The following MYO19 variants were observed in gnomAD, a reference collection of about 807,000 sequenced individuals.
MYO19 encodes myosin XIX.
A neutral mutation model predicts 129.2 loss-of-function variants in MYO19; 132 were observed. The ratio of observed to expected loss-of-function variants is 1.02; its 90% CI spans 0.89 to 1.18. The LOEUF is 1.18. Among genes scored for constraint, MYO19 ranks in the 50% most tolerant of loss-of-function variants. The probability of loss-of-function intolerance (pLI) is 0.00; values close to 1 mark genes in which losing one functional copy is unlikely to be tolerated. For synonymous variants in MYO19, 531 were observed against 477.2 expected (o/e 1.11, Z -1.47); for missense variants, 1,210 against 1,216.7 (o/e 0.99, Z 0.08).
At position 36,495,956 on chromosome 17, in the gene MYO19, A is replaced by T. The variant is rs557122032; in HGVS notation, c.*295T>A. 4.0e-5 allele frequency: 36 copies of T among 894,864 alleles called. No homozygotes were observed. Among genetic ancestry groups the T allele is most frequent in the East Asian group, 1.6e-4 (5 of 31,430 alleles). 55.4% of individuals were successfully genotyped at this position (894,864 alleles called of 1,614,324 possible). On this transcript the variant is annotated 3_prime_UTR_variant, in exon 26 of 26. Transcript: ENST00000614623. ...ATTGGGATCCCCAGTGTAGTGACAG[A>T]CAGTCATGACTGCTGCTGAGTTTGA...
intron 25 of MYO19, 61 bp downstream of exon 25, chr17:36,498,205 G>A: frequency 6.5e-7 from 1 of 1,548,866 alleles, no homozygotes; most frequent in African/African-American, 1.3e-5. Flanking sequence ...CTGTGAACTT[G>A]TAGGCTTTGC....
chr17:36,496,413 G>A lies in MYO19; in HGVS notation c.2758-7C>T, dbSNP rs79844016. The A allele has an allele frequency of 1.9e-6, 3 of 1,613,786 alleles. No individual in the cohort carries two copies. In the South Asian group the frequency reaches 3.3e-5, roughly 18 times the overall value. On this transcript the variant is annotated splice_polypyrimidine_tract_variant and splice_region_variant and intron_variant, in intron 25 of 25. Transcript: ENST00000614623. ...AGTGAAACTTTATCGATCCCTAGAG[G>A]GGAGAGAGAGATGCAGCTTTAGCAC...
At chr17:36,523,237 C>T (rs1447943768) in intron 6 of MYO19, among the ~76,000 whole-genome samples, 1 of 151,528 alleles carries the variant, frequency 6.6e-6, no homozygotes, top group Non-Finnish European at 1.5e-5. Flanking sequence ...TGGGTTCCTG[C>T]CATGGGGGAT....
chr17:36,515,803 G>A, intron 7 of MYO19, 55 bp downstream of exon 7: 3 of 1,564,080 alleles, frequency 1.9e-6, no homozygotes, highest in East Asian at 2.3e-5. Context: ...CCTGGAAGGT[G>A]GAAAATCCCA....
At chr17:36,529,233 C>T (rs1245707034) in intron 3 of MYO19, among the ~76,000 whole-genome samples, 7 of 152,092 alleles carry the variant, frequency 4.6e-5, no homozygotes, top group Non-Finnish European at 8.8e-5. Context: ...GATCATATCT[C>T]ACTGCAGCCT....
chr17:36,508,754 A>G lies in MYO19; in HGVS notation c.1231+308T>C, dbSNP rs552962994. On this transcript the variant is annotated intron_variant, in intron 14 of 25. Coordinates refer to ENST00000614623, the MANE Select transcript of MYO19 (RefSeq NM_001163735.2). ...CTCCAAAGTCCCTTCTAATACAGCT[A>G]TTTTCCCCAACCCCCACTACTCTCC... 192 of 382,204 alleles carry G rather than the reference A, an allele frequency of 5.0e-4. 1 individual carries two copies. Among genetic ancestry groups the G allele is most frequent in the Middle Eastern group, 2.2e-3 (3 of 1,334 alleles). The allele number at this position is 382,204 out of a possible 1,614,324, so 23.7% of individuals were successfully genotyped here. A position where few individuals can be genotyped will look rare whatever the true frequency, so the allele number is the denominator to read the frequency against.
chr17:36,507,519 A>T lies in MYO19; in HGVS notation c.1354-7T>A. 4 of 1,612,642 alleles carry T rather than the reference A, an allele frequency of 2.5e-6. No homozygotes were observed. Among genetic ancestry groups the T allele is most frequent in the Non-Finnish European group, 3.4e-6 (4 of 1,179,506 alleles). ...CCTCAACTGCGTATTCCTCCTAAAG[A>T]ACAAGGTGGGATGAGGTGGGAGAAG... On this transcript the variant is annotated splice_polypyrimidine_tract_variant and splice_region_variant and intron_variant, in intron 15 of 25. Transcript: ENST00000614623.
chr17:36,504,261 T>C, intron 19 of MYO19: 2 of 488,304 alleles, frequency 4.1e-6, no homozygotes, highest in Non-Finnish European at 7.2e-6. Context: ...TGGCTTCTGA[T>C]ACAGCTGAAG....
Position 36,529,061 on chromosome 17 carries a change from C to T in MYO19, c.13-859G>A, listed in dbSNP as rs982871082. Among the ~76,000 whole-genome samples the T allele has an allele frequency of 2.0e-5, 3 of 151,944 alleles. No individual in the cohort carries two copies. The South Asian group carries it at 6.2e-4, about 32-fold the overall frequency. On this transcript the variant is annotated intron_variant, in intron 3 of 25. Coordinates refer to ENST00000614623, the MANE Select transcript of MYO19 (RefSeq NM_001163735.2). Reference sequence around the variant, plus strand: ...GGCTAATGAATTGGTTCCCTTGGCCCGAGTCTGCTTGAGAGAAAGCCTGGC... The same window carrying T: ...GGCTAATGAATTGGTTCCCTTGGCCTGAGTCTGCTTGAGAGAAAGCCTGGC...
chr17:36,504,958 T>G, intron 19 of MYO19: 1 of 381,126 alleles, frequency 2.6e-6, no homozygotes, highest in Non-Finnish European at 5.0e-6. Flanking sequence ...CAGTGAGAAA[T>G]GGCTGCACTG....
rs1169756924 is a variant in MYO19 at position 36,526,219 on chromosome 17, G to A, written c.301-878C>T. Reference sequence around the variant, plus strand: ...CACCTTCTTGAACCCAACTCCCACAGTAATTATTCGTCTAGTGGGTTCTGT... The same window carrying A: ...CACCTTCTTGAACCCAACTCCCACAATAATTATTCGTCTAGTGGGTTCTGT... On this transcript the variant is annotated intron_variant, in intron 5 of 25. Transcript: ENST00000614623. 4.6e-5 allele frequency among the ~76,000 whole-genome samples: 7 copies of A among 152,152 alleles called. No homozygotes were observed. The South Asian group carries it at 1.5e-3, about 32-fold the overall frequency.
intron 6 of MYO19, among the ~76,000 whole-genome samples, chr17:36,521,341 TG>T (rs1230128716): frequency 1.3e-5 from 2 of 152,134 alleles, no homozygotes; most frequent in Non-Finnish European, 2.9e-5. Context: ...ATATCATAAA[TG>T]TTAGAAAAAA....
chr17:36,529,719 C>A (rs1195704209), intron 3 of MYO19, among the ~76,000 whole-genome samples: 1 of 151,942 alleles, frequency 6.6e-6, no homozygotes, highest in African/African-American at 2.4e-5. Context: ...GAAAAAAAAA[C>A]CACCACTACA....
Position 36,503,993 on chromosome 17 carries a change from G to A in MYO19, c.1933C>T (p.Leu645Phe). 1.9e-6 allele frequency: 3 copies of A among 1,586,048 alleles called. No homozygotes were observed. Among genetic ancestry groups the A allele is most frequent in the East Asian group, 2.3e-5 (1 of 43,524 alleles). Residue 645 changes from leucine (L) to phenylalanine (F), a missense_variant, in exon 20 of 26, where the codon CTC (leucine) becomes TTC (phenylalanine). Transcript: ENST00000614623. ...GCACTGATATGGATGGTCTCCACGA[G>A]GCCACAGGCCTCCAGCTGGCTCAGG... ...EVLSQLEACG[L>F]VETIHISAAG...
rs2142682557 is a variant in MYO19, at chr17:36,498,217, C to T, written c.2757+49G>A. The T allele has an allele frequency of 3.8e-6, 6 of 1,573,278 alleles. No individual in the cohort carries two copies. In the East Asian group the frequency reaches 1.4e-4, roughly 35 times the overall value. On this transcript the variant is annotated intron_variant, in intron 25 of 25. Coordinates refer to ENST00000614623, the MANE Select transcript of MYO19 (RefSeq NM_001163735.2). ...CCGCTGTGAACTTGTAGGCTTTGCTCCTGCTGTTCTCAGGAACAAAGCTGT... is the reference window on the plus strand; with the variant it reads ...CCGCTGTGAACTTGTAGGCTTTGCTTCTGCTGTTCTCAGGAACAAAGCTGT...
Position 36,511,353 on chromosome 17 carries a change from C to A in MYO19, c.985+12G>T. On this transcript the variant is annotated intron_variant, in intron 12 of 25. Coordinates refer to ENST00000614623, the MANE Select transcript of MYO19 (RefSeq NM_001163735.2). ...TGACAGGGCCTGCCCCATCCTACACCCTGACCCTCACACTTGGCATCATCC... is the reference window on the plus strand; with the variant it reads ...TGACAGGGCCTGCCCCATCCTACACACTGACCCTCACACTTGGCATCATCC... The A allele has an allele frequency of 6.4e-7, 1 of 1,567,848 alleles. No homozygotes were observed. The highest frequency in any genetic ancestry group is 2.4e-5 in the East Asian group (1 of 42,122).
At chr17:36,537,027 C>T (rs2074148704), upstream of MYO19, 11 of 1,360,728 alleles carry the variant, frequency 8.1e-6, no homozygotes, top group South Asian at 1.6e-4. Context: ...TAAAATTAAG[C>T]CAGGTATGCT....
chr17:36,521,805 G>C (rs1306819243), intron 6 of MYO19, among the ~76,000 whole-genome samples: 1 of 151,996 alleles, frequency 6.6e-6, no homozygotes, highest in Non-Finnish European at 1.5e-5. Flanking sequence ...GGCCGGGGAG[G>C]GTGGATCACG....
Position 36,526,383 on chromosome 17 carries a change from C to T in MYO19, c.301-1042G>A, listed in dbSNP as rs1007762958. ...ACTCCCTCTTGCCCCCAAGACCTCC[C>T]TCCTGCCAGCAAGTTTTCTCTCACC... On this transcript the variant is annotated intron_variant, in intron 5 of 25. Coordinates refer to ENST00000614623, the MANE Select transcript of MYO19 (RefSeq NM_001163735.2). Among the ~76,000 whole-genome samples, 3 of 152,138 alleles carry T rather than the reference C, an allele frequency of 2.0e-5. No individual in the cohort carries two copies. The South Asian group carries it at 6.2e-4, about 32-fold the overall frequency.
Sources: allele counts gnomAD v4.1 joint callset (sites outside exome capture counted in the v4.1 genomes callset), GRCh38; gene constraint gnomAD v4.1.1; transcripts MANE v1.5; gene names NCBI Gene and HGNC (gene_info 2026-07-23, HGNC 2026-07-21).